Variants in RPGRIP1 observed in about 807,000 individuals in gnomAD.
RPGRIP1 encodes X-linked retinitis pigmentosa GTPase regulator-interacting protein 1.
In RPGRIP1, 128 loss-of-function variants were observed where a neutral mutation model predicts 157.9. The observed-to-expected ratio is 0.81, with a 90% CI of 0.70 to 0.94. RPGRIP1 has a LOEUF of 0.94. Ranked by LOEUF, RPGRIP1 falls within the 40% of genes least tolerant of loss-of-function variation. RPGRIP1 has a pLI of 0.00. For missense variants in RPGRIP1, 1,486 were observed against 1,545.8 expected, an observed-to-expected ratio of 0.96 and a Z score of 0.65; for synonymous variants, 554 against 571.6, an observed-to-expected ratio of 0.97 and a Z score of 0.44.
chr14:21,349,068 A>AT (rs397709409), intron 24 of RPGRIP1, among the ~76,000 whole-genome samples: 95,213 of 113,384 alleles, frequency 0.84, 41,170 homozygotes, highest in Middle Eastern at 0.91. Flanking sequence ...CCTTACTACA[A>AT]TTTTTTTTTT....
intron 23 of RPGRIP1, 62 bp downstream of exon 23, chr14:21,345,259 A>G: frequency 4.6e-6 from 6 of 1,294,038 alleles, no homozygotes; most frequent in Non-Finnish European, 6.6e-6. Flanking sequence ...CAAAAGTTTG[A>G]GTTTGGTTTT....
intron 18 of RPGRIP1, 78 bp from the exon 19 acceptor site, chr14:21,328,346 A>G: frequency 9.8e-7 from 1 of 1,020,994 alleles, no homozygotes; most frequent in Non-Finnish European, 1.5e-6. Flanking sequence ...GTCTAACACT[A>G]GTTCCCAAAT....
At chr14:21,290,150 C>T (rs1281442009) in intron 2 of RPGRIP1, among the ~76,000 whole-genome samples, 1 of 152,160 alleles carries the variant, frequency 6.6e-6, no homozygotes, top group African/African-American at 2.4e-5. Context: ...AGCCACCACA[C>T]CTGGCCCCTG....
At chr14:21,289,741 G>A (rs1040755590) in intron 2 of RPGRIP1, among the ~76,000 whole-genome samples, 5 of 152,102 alleles carry the variant, frequency 3.3e-5, no homozygotes, top group African/African-American at 1.2e-4. Context: ...AGTGGCTCAC[G>A]CCTGTAATCC....
chr14:21,328,487 C>T lies in RPGRIP1; in HGVS notation c.2959C>T (p.Pro987Ser), dbSNP rs2139250964. The T allele has an allele frequency of 6.2e-7, 1 of 1,613,750 alleles. No homozygotes were observed. The highest frequency in any genetic ancestry group is 1.1e-5 in the South Asian group (1 of 91,066). Residue 987 changes from proline (P) to serine (S), a missense_variant, in exon 19 of 25, where the codon CCT (proline) becomes TCT (serine). Transcript: ENST00000400017. ...CCAGTATCGATCTAAGAGAAAACCT[C>T]CTCATGGGGGAGAAAGAAAGGAGAA... is the stretch of plus-strand genomic sequence containing the variant. ...AGQYRSKRKP[P>S]HGGERKEKEH... is the part of the protein sequence containing the mutation.
Position 21,311,823 on chromosome 14 carries a change from G to T in RPGRIP1, c.931-1G>T, listed in dbSNP as rs752074077. ...CCAGAGGTACTTTCCTTTTGACCCA[G>T]AATCAGGGAATCCTGAGTGCAGCCC... On this transcript the variant is annotated splice_acceptor_variant, in intron 8 of 24. Coordinates refer to ENST00000400017, the MANE Select transcript of RPGRIP1 (RefSeq NM_020366.4). LOFTEE classifies it high-confidence loss of function. The T allele has an allele frequency of 2.5e-6, 4 of 1,597,646 alleles. No homozygotes were observed. The highest frequency in any genetic ancestry group is 2.6e-6 in the Non-Finnish European group (3 of 1,174,050).
At chr14:21,332,529 G>A (rs1046271022) in intron 20 of RPGRIP1, among the ~76,000 whole-genome samples, 2 of 152,198 alleles carry the variant, frequency 1.3e-5, no homozygotes, top group African/African-American at 2.4e-5. Context: ...AGAATAAATA[G>A]TAACAGTGTA....
intron 17 of RPGRIP1, among the ~76,000 whole-genome samples, chr14:21,326,473 G>A (rs1883121272): frequency 6.6e-6 from 1 of 152,058 alleles, no homozygotes; most frequent in African/African-American, 2.4e-5. Flanking sequence ...TTGAGATGGA[G>A]TTTCGCTCTT....
intron 19 of RPGRIP1, 149 bp from the exon 20 acceptor site, chr14:21,330,100 A>G (rs1248745682): frequency 5.3e-6 from 2 of 380,326 alleles, no homozygotes; most frequent in East Asian, 1.1e-4. Flanking sequence ...CCTGAGTGAC[A>G]GAGGGAGACT....
intron 16 of RPGRIP1, 162 bp from the exon 17 acceptor site, chr14:21,325,669 C>T (rs565424366): frequency 9.1e-6 from 6 of 662,124 alleles, no homozygotes; most frequent in Middle Eastern, 4.1e-4. Context: ...AAATAACTGC[C>T]AGAGCCAGTT....
intron 21 of RPGRIP1, among the ~76,000 whole-genome samples, chr14:21,342,628 G>A (rs1885132088): frequency 6.6e-6 from 1 of 151,854 alleles, no homozygotes. Context: ...CAGTTTTGCT[G>A]CATTTATATA....
At chr14:21,312,328 G>A in intron 9 of RPGRIP1, 105 bp from the exon 10 acceptor site, 1 of 702,798 alleles carries the variant, frequency 1.4e-6, no homozygotes, top group Non-Finnish European at 2.4e-6. Context: ...TGGAGATGGT[G>A]ATAGAAAGCC....
Position 21,322,009 on chromosome 14 carries a change from G to A in RPGRIP1, c.1762+5G>A. On this transcript the variant is annotated splice_donor_5th_base_variant and intron_variant, in intron 14 of 24. Coordinates refer to ENST00000400017, the MANE Select transcript of RPGRIP1 (RefSeq NM_020366.4). ...GCCATGACCTTCCAACATCTGGCAA[G>A]TCTTAGTCCTTTGTTCTCCTCACTT... 6 of 1,610,456 alleles carry A rather than the reference G, an allele frequency of 3.7e-6. No individual in the cohort carries two copies. Among genetic ancestry groups the A allele is most frequent in the Non-Finnish European group, 5.1e-6 (6 of 1,178,560 alleles).
intron 1 of RPGRIP1, among the ~76,000 whole-genome samples, chr14:21,280,743 AC>A (rs1880097241): frequency 6.6e-6 from 1 of 151,246 alleles, no homozygotes; most frequent in Non-Finnish European, 1.5e-5. Flanking sequence ...CTAGTTCAAG[AC>A]TTCTTGCCTG....
intron 1 of RPGRIP1, 43 bp from the exon 2 acceptor site, chr14:21,287,896 C>A (rs890906155): frequency 1.1e-6 from 1 of 874,028 alleles, no homozygotes; most frequent in Non-Finnish European, 1.9e-6. Context: ...CAGAAGACAT[C>A]CTAAAGTTGC....
rs1555365573 is a variant in RPGRIP1, at chr14:21,304,420, A to AAAGAAAGAAAGAAAGAAAGG, written c.800+896_800+897insGAAGAAAGAAAGAAAGAAAG. ...GAAAGAAAGAAAGAAAGAAAGAAAG[A>AAAGAAAGAAAGAAAGAAAGG]AAGAAAGAAAGAAAGAAAGAAAGAA... is the stretch of plus-strand genomic sequence containing the variant. On this transcript the variant is annotated intron_variant, in intron 6 of 24. Transcript: ENST00000400017. Among the ~76,000 whole-genome samples, 451 of 150,924 alleles carry AAAGAAAGAAAGAAAGAAAGG rather than the reference A, an allele frequency of 3.0e-3. 2 individuals carry two copies. Among genetic ancestry groups the AAAGAAAGAAAGAAAGAAAGG allele is most frequent in the East Asian group, 0.021 (103 of 4,990 alleles).
At chr14:21,311,800 A>G in intron 8 of RPGRIP1, 24 bp from the exon 9 acceptor site, 2 of 1,585,964 alleles carry the variant, frequency 1.3e-6, no homozygotes, top group South Asian at 1.2e-5. Context: ...GACCATTCCC[A>G]GAGGTACTTT....
chr14:21,289,364 T>A (rs1270086479), intron 2 of RPGRIP1, among the ~76,000 whole-genome samples: 1 of 152,020 alleles, frequency 6.6e-6, no homozygotes, highest in East Asian at 1.9e-4. Context: ...TTTCTAACTT[T>A]GGCCAGGCTT....
intron 21 of RPGRIP1, among the ~76,000 whole-genome samples, chr14:21,341,810 C>G (rs969883464): frequency 3.3e-5 from 5 of 152,072 alleles, no homozygotes; most frequent in African/African-American, 1.2e-4. Context: ...AATCCCAGCA[C>G]TTTGGGAGGC....
Sources: gnomAD v4.1 joint callset for allele counts (sites outside exome capture counted in the v4.1 genomes callset) on GRCh38, gnomAD v4.1.1 for gene constraint, MANE v1.5 for transcripts, NCBI Gene and HGNC (gene_info 2026-07-23, HGNC 2026-07-21) for gene names.